The following FSTL5 variants were observed in gnomAD, a reference collection of about 807,000 sequenced individuals.
FSTL5 encodes follistatin-related protein 5.
A neutral mutation model predicts 89.1 loss-of-function variants in FSTL5; 62 were observed. The ratio of observed to expected loss-of-function variants is 0.70; its 90% CI spans 0.57 to 0.86. FSTL5 has a LOEUF of 0.86. Among genes scored for constraint, FSTL5 ranks in the 40% least tolerant of loss-of-function variants. The pLI is 0.00. For missense variants in FSTL5, 1,057 were observed against 1,001.6 expected, an observed-to-expected ratio of 1.06 and a Z score of -0.75; for synonymous variants, 383 against 346.2, an observed-to-expected ratio of 1.11 and a Z score of -1.18.
At chr4:161,733,580 CGT>C (rs1739689639) in intron 6 of FSTL5, among the ~76,000 whole-genome samples, 1 of 151,882 alleles carries the variant, frequency 6.6e-6, no homozygotes, top group African/African-American at 2.4e-5. Flanking sequence ...ACTTCTCAGT[CGT>C]AGAAAGAAAG....
At chr4:161,565,021 A>G (rs1251688637) in intron 8 of FSTL5, among the ~76,000 whole-genome samples, 1 of 151,888 alleles carries the variant, frequency 6.6e-6, no homozygotes, top group Non-Finnish European at 1.5e-5. Flanking sequence ...CACACTCCCA[A>G]ATCACTATCA....
intron 3 of FSTL5, among the ~76,000 whole-genome samples, chr4:161,926,588 T>C (rs1287108063): frequency 1.3e-5 from 2 of 151,814 alleles, no homozygotes; most frequent in East Asian, 1.9e-4. Flanking sequence ...GATCAGTACC[T>C]AATATGGCAA....
intron 6 of FSTL5, among the ~76,000 whole-genome samples, chr4:161,702,949 G>A (rs1738449822): frequency 6.6e-6 from 1 of 152,008 alleles, no homozygotes; most frequent in South Asian, 2.1e-4. Context: ...TTGACAGAGG[G>A]TAATTAAGTT....
chr4:162,089,920 C>T (rs1220800344), intron 2 of FSTL5, among the ~76,000 whole-genome samples: 1 of 152,008 alleles, frequency 6.6e-6, no homozygotes, highest in Non-Finnish European at 1.5e-5. Context: ...TTTGTGGATA[C>T]ATATTTTATT....
chr4:162,117,654 A>G (rs1162920651), intron 1 of FSTL5, among the ~76,000 whole-genome samples: 1 of 152,166 alleles, frequency 6.6e-6, no homozygotes, highest in African/African-American at 2.4e-5. Context: ...GAGATGAAAA[A>G]TTTTATTCAA....
At chr4:161,967,928 CT>C (rs1204923901) in intron 3 of FSTL5, among the ~76,000 whole-genome samples, 1 of 151,886 alleles carries the variant, frequency 6.6e-6, no homozygotes, top group African/African-American at 2.4e-5. Context: ...TGAAAATAAA[CT>C]AGATAATTTC....
intron 3 of FSTL5, among the ~76,000 whole-genome samples, chr4:161,948,795 T>C (rs1734811140): frequency 6.8e-6 from 1 of 147,966 alleles, no homozygotes; most frequent in Admixed American, 7.6e-5. Context: ...TATAATGTAT[T>C]TATTCTTTAA....
chr4:161,386,202 G>A lies in FSTL5; in HGVS notation c.2089C>T (p.Pro697Ser). 1 of 1,613,932 alleles carries A rather than the reference G, an allele frequency of 6.2e-7. No homozygotes were observed. ...TAGTGGCCATCTGGAGAGACATATG[G>A]AGTGCCCGTCACATCACTATTGAAC... Reference protein sequence around the residue: ...IGFNSDVTGTPYVSPDGHYLV... With the variant: ...IGFNSDVTGTSYVSPDGHYLV... The change falls in exon 16 of 16, where the codon CCA becomes TCA. Residue 697 changes from proline (P) to serine (S), a missense_variant. By Grantham distance (74) the Pro-to-Ser change is moderately conservative. Around this residue, in one of 3 missense-constraint regions of FSTL5, gnomAD observed 980 missense variants for 903.2 expected, o/e 1.08. Coordinates refer to ENST00000306100, the MANE Select transcript of FSTL5 (RefSeq NM_020116.5).
chr4:161,525,050 A>G (rs1731171393), intron 10 of FSTL5, among the ~76,000 whole-genome samples: 1 of 152,072 alleles, frequency 6.6e-6, no homozygotes, highest in Non-Finnish European at 1.5e-5. Context: ...ATCAAAGATC[A>G]GCTCTATGTT....
intron 6 of FSTL5, among the ~76,000 whole-genome samples, chr4:161,657,148 G>A (rs953203172): frequency 6.6e-6 from 1 of 152,100 alleles, no homozygotes; most frequent in Non-Finnish European, 1.5e-5. Flanking sequence ...ACACATTTCT[G>A]TCTATTGCTG....
At chr4:161,462,227 A>C (rs989096014) in intron 13 of FSTL5, among the ~76,000 whole-genome samples, 12 of 152,180 alleles carry the variant, frequency 7.9e-5, no homozygotes, top group African/African-American at 2.7e-4. Flanking sequence ...TTCCTTTCCA[A>C]TGTGGGAACC....
At chr4:161,494,520 C>T (rs530323766) in intron 12 of FSTL5, among the ~76,000 whole-genome samples, 8 of 152,166 alleles carry the variant, frequency 5.3e-5, no homozygotes, top group Admixed American at 5.2e-4. Context: ...CATTGAGCTT[C>T]CCAATTTCTA....
chr4:161,614,034 A>T (rs1048188495), intron 7 of FSTL5, among the ~76,000 whole-genome samples: 7 of 152,174 alleles, frequency 4.6e-5, no homozygotes, highest in African/African-American at 1.7e-4. Context: ...AATAAAAACA[A>T]TAGGCTTAGA....
chr4:161,543,473 C>G (rs961033010), intron 8 of FSTL5, among the ~76,000 whole-genome samples: 2 of 151,600 alleles, frequency 1.3e-5, no homozygotes, highest in Admixed American at 1.3e-4. Context: ...ATTAAAAAAA[C>G]TTATCCTCAG....
At chr4:161,841,152 TC>T (rs1275695859) in intron 4 of FSTL5, among the ~76,000 whole-genome samples, 2 of 152,188 alleles carry the variant, frequency 1.3e-5, no homozygotes, top group African/African-American at 4.8e-5. Flanking sequence ...TGTTCACACT[TC>T]TATAAACAGT....
Position 161,939,051 on chromosome 4 carries a change from G to A in FSTL5, c.161-18399C>T, listed in dbSNP as rs181665831. Among the ~76,000 whole-genome samples, 307 of 151,612 alleles carry A rather than the reference G, an allele frequency of 2.0e-3. 1 individual carries two copies. The highest frequency in any genetic ancestry group is 7.0e-3 in the African/African-American group (290 of 41,408). On this transcript the variant is annotated intron_variant, in intron 3 of 15. Coordinates refer to ENST00000306100, the MANE Select transcript of FSTL5 (RefSeq NM_020116.5). Reference sequence around the variant, plus strand: ...GTCACAGAGAAAGAGAATGACATTGGGTATAGTATATCACTTTTCTAGTTT... The same window carrying A: ...GTCACAGAGAAAGAGAATGACATTGAGTATAGTATATCACTTTTCTAGTTT...
chr4:161,881,611 G>C (rs1732636058), intron 4 of FSTL5, among the ~76,000 whole-genome samples: 1 of 152,034 alleles, frequency 6.6e-6, no homozygotes, highest in South Asian at 2.1e-4. Context: ...GCATTGTCCT[G>C]ATGCTCTACA....
intron 4 of FSTL5, among the ~76,000 whole-genome samples, chr4:161,836,295 G>A (rs530404348): frequency 1.5e-5 from 2 of 129,304 alleles, no homozygotes; most frequent in South Asian, 5.3e-4. Context: ...CACACTCTAG[G>A]GACTGTTGTG....
intron 2 of FSTL5, among the ~76,000 whole-genome samples, chr4:162,088,980 C>G (rs1730431709): frequency 1.3e-5 from 2 of 152,014 alleles, no homozygotes; most frequent in Non-Finnish European, 2.9e-5. Context: ...AGGTGGGATC[C>G]AAGAAAGATG....
Sources: allele counts gnomAD v4.1 joint callset (sites outside exome capture counted in the v4.1 genomes callset), GRCh38; gene constraint gnomAD v4.1.1; regional missense constraint gnomAD v4.1.1; transcripts MANE v1.5; gene names NCBI Gene and HGNC (gene_info 2026-07-23, HGNC 2026-07-21).